The following PEMT variants were observed in gnomAD, a reference collection of about 807,000 sequenced individuals.
PEMT encodes phospholipid methyltransferase.
In PEMT, 23 loss-of-function variants were observed where a neutral mutation model predicts 27.4. The observed-to-expected ratio is 0.84, with a 90% CI of 0.60 to 1.19. The LOEUF (loss-of-function observed/expected upper bound fraction) is 1.19, where lower values mean the gene tolerates loss of function less well. Ranked by LOEUF, PEMT falls within the 50% of genes most tolerant of loss-of-function variation. PEMT has a pLI of 0.00. For missense variants in PEMT, 307 were observed against 310.1 expected, an observed-to-expected ratio of 0.99 and a Z score of 0.07; for synonymous variants, 137 against 139.1, an observed-to-expected ratio of 0.98 and a Z score of 0.11.
At position 17,570,847 on chromosome 17, in the gene PEMT, G is replaced by A. The variant is rs956002913; in HGVS notation, c.204+6073C>T. The A allele has an allele frequency of 5.1e-5, 50 of 985,290 alleles. No individual in the cohort carries two copies. The African/African-American group carries it at 7.2e-4, about 14-fold the overall frequency. 61.0% of individuals were successfully genotyped at this position (985,290 alleles called of 1,614,324 possible). On this transcript the variant is annotated intron_variant, in intron 2 of 6. Transcript: ENST00000255389. ...GATGGCACGAAGCCAGGTAGAGTCC[G>A]CGAGGGTACAGATCCGGGGGCAGGT...
chr17:17,537,518 CCTT>C (rs1908568803), intron 2 of PEMT, among the ~76,000 whole-genome samples: 5 of 152,228 alleles, frequency 3.3e-5, no homozygotes, highest in African/African-American at 7.2e-5. Flanking sequence ...CCTGCAGGGG[CCTT>C]CCCCATGCTG....
intron 2 of PEMT, chr17:17,570,628 C>A (rs1911127814): frequency 2.0e-6 from 2 of 985,294 alleles, no homozygotes; most frequent in Non-Finnish European, 2.4e-6. Context: ...CCAGATCACC[C>A]AGAAAGGCCC....
At position 17,591,680 on chromosome 17, in the gene PEMT, C is replaced by G. The variant is rs935730160; in HGVS notation, c.-54G>C. 20 of 1,571,346 alleles carry G rather than the reference C, an allele frequency of 1.3e-5. No individual in the cohort carries two copies. Among genetic ancestry groups the G allele is most frequent in the African/African-American group, 2.7e-5 (2 of 73,530 alleles). On this transcript the variant is annotated 5_prime_UTR_variant, in exon 1 of 7. Transcript: ENST00000255389. ...GGGCCCCGCTGCAGCCACGCGCCCC[C>G]GGAACCGGACCTATAGAGCCGGGTA...
intron 3 of PEMT, chr17:17,518,225 G>C (rs529231430): frequency 2.2e-6 from 2 of 903,504 alleles, no homozygotes; most frequent in Non-Finnish European, 2.6e-6. Context: ...AGCCAGGAGG[G>C]AGGAAGGGCT....
Position 17,523,308 on chromosome 17 carries a change from C to T in PEMT, c.205-913G>A, listed in dbSNP as rs2142544286. 6.6e-6 allele frequency among the ~76,000 whole-genome samples: 1 copy of T among 152,312 alleles called. No individual in the cohort carries two copies. ...CCTGCTCCCAGCCACCTACCTCCAC[C>T]CCAGCCCCAGCGATGACTGCTGCCT... is the stretch of plus-strand genomic sequence containing the variant. On this transcript the variant is annotated intron_variant, in intron 2 of 6. Coordinates refer to ENST00000255389, the MANE Select transcript of PEMT (RefSeq NM_148172.3). The surrounding 1 kb of genome is among the most constrained non-coding windows in gnomAD (Gnocchi z 4.8).
chr17:17,535,200 C>T (rs545342874), intron 2 of PEMT, among the ~76,000 whole-genome samples: 1 of 152,186 alleles, frequency 6.6e-6, no homozygotes, highest in South Asian at 2.1e-4. Flanking sequence ...TGAACCACCA[C>T]GTCTGGCCTG....
rs1217800674 is a variant in PEMT, at chr17:17,591,556, C to T, written c.71G>A (p.Gly24Asp). The T allele has an allele frequency of 1.2e-6, 2 of 1,613,684 alleles. No homozygotes were observed. Among genetic ancestry groups the T allele is most frequent in the Non-Finnish European group, 1.7e-6 (2 of 1,179,736 alleles). Residue 24 changes from glycine to aspartate, a missense_variant, in exon 1 of 7, where the codon GGC becomes GAC. Physicochemically the swap from Gly to Asp is moderately conservative, Grantham distance 94. Transcript: ENST00000255389. ...SSVAGPDCCG[G>D]LGNIDFRQAD... ...CTGTCTAAAATCAATATTGCCGAGG[C>T]CTCCGCAGCAGTCAGGCCCTGCCAC...
chr17:17,540,092 C>A (rs1205030963), intron 2 of PEMT, among the ~76,000 whole-genome samples: 3 of 152,204 alleles, frequency 2.0e-5, no homozygotes, highest in Non-Finnish European at 4.4e-5. Flanking sequence ...GGAAGCAACG[C>A]CCCAAGGGAA....
chr17:17,586,201 A>G (rs139880797), intron 1 of PEMT, among the ~76,000 whole-genome samples: 3,930 of 139,966 alleles, frequency 0.028, 365 homozygotes, highest in African/African-American at 0.11. Flanking sequence ...AAGGAAGGAA[A>G]GAAAGAAAGA....
rs1912019548 is a variant in PEMT, at chr17:17,582,292, CA to C, written c.97-5266del. The C allele has an allele frequency of 1.0e-6, 1 of 985,412 alleles. No individual in the cohort carries two copies. The highest frequency in any genetic ancestry group is 6.1e-5 in the Admixed American group (1 of 16,264). 61.0% of individuals were successfully genotyped at this position (985,412 alleles called of 1,614,324 possible). On this transcript the variant is annotated intron_variant, in intron 1 of 6. Transcript: ENST00000255389. The surrounding 1 kb of genome is among the most constrained non-coding windows in gnomAD (Gnocchi z 4.9). Reference sequence around the variant, plus strand: ...CACGGCCAGGAGGTCTGCTGAGCTGCAGGAATAGCTCGAGTCCCACAGGTCA... The same window carrying C: ...CACGGCCAGGAGGTCTGCTGAGCTGCGGAATAGCTCGAGTCCCACAGGTCA...
intron 1 of PEMT, among the ~76,000 whole-genome samples, chr17:17,580,978 T>C (rs1405771375): frequency 6.6e-6 from 1 of 151,616 alleles, no homozygotes; most frequent in African/African-American, 2.4e-5. Context: ...GGGCAGAGTG[T>C]GAGTCACAGA....
chr17:17,509,317 A>G, intron 5 of PEMT, 117 bp downstream of exon 5: 1 of 681,418 alleles, frequency 1.5e-6, no homozygotes, highest in Non-Finnish European at 2.6e-6. Flanking sequence ...GCCCCCACAA[A>G]TGACACGTTC....
intron 5 of PEMT, among the ~76,000 whole-genome samples, chr17:17,506,739 A>G (rs4646409): frequency 0.86 from 130,611 of 152,274 alleles, 56,724 homozygotes; most frequent in African/African-American, 0.96. Context: ...TCTAGAAATG[A>G]GTCCAGGGTC....
intron 2 of PEMT, among the ~76,000 whole-genome samples, chr17:17,524,205 G>C (rs759000060): frequency 1.4e-4 from 21 of 152,192 alleles, no homozygotes; most frequent in Admixed American, 4.6e-4. Context: ...CGGTGACCAA[G>C]GCCAAAGCCA....
At chr17:17,543,200 G>A (rs1909012836) in intron 2 of PEMT, among the ~76,000 whole-genome samples, 1 of 152,248 alleles carries the variant, frequency 6.6e-6, no homozygotes, top group South Asian at 2.1e-4. Context: ...GGCCTCGCAT[G>A]TGCATGTGAC....
chr17:17,538,707 A>G (rs1344440550), intron 2 of PEMT, among the ~76,000 whole-genome samples: 1 of 152,244 alleles, frequency 6.6e-6, no homozygotes, highest in African/African-American at 2.4e-5. Context: ...TTTTCTTTTT[A>G]CATAAAACAA....
At position 17,581,227 on chromosome 17, in the gene PEMT, G is replaced by A. The variant is rs112379234; in HGVS notation, c.97-4200C>T. Among the ~76,000 whole-genome samples the A allele has an allele frequency of 2.7e-3, 416 of 152,246 alleles. 1 individual carries two copies. The highest frequency in any genetic ancestry group is 8.6e-3 in the African/African-American group (359 of 41,530). ...CTGCCTCTCATAAGGAATTCAACTCGATGTTAGTCACCTTAGCTGAGCTCC... is the reference window on the plus strand; with the variant it reads ...CTGCCTCTCATAAGGAATTCAACTCAATGTTAGTCACCTTAGCTGAGCTCC... On this transcript the variant is annotated intron_variant, in intron 1 of 6. Coordinates refer to ENST00000255389, the MANE Select transcript of PEMT (RefSeq NM_148172.3).
chr17:17,577,042 C>G lies in PEMT; in HGVS notation c.97-15G>C, dbSNP rs1470900869. On this transcript the variant is annotated splice_polypyrimidine_tract_variant and intron_variant, in intron 1 of 6. Transcript: ENST00000255389. The stretch of plus-strand genomic sequence containing the variant: ...CAGAAGTCTGCCTGCAGGGACAGAG[C>G]TAGCATCAGCACCACCCAGACACAG... 1.3e-6 allele frequency: 2 copies of G among 1,594,126 alleles called. No homozygotes were observed. The highest frequency in any genetic ancestry group is 1.7e-5 in the Admixed American group (1 of 59,992).
chr17:17,507,575 C>A, intron 5 of PEMT: 1 of 250,592 alleles, frequency 4.0e-6, no homozygotes, highest in South Asian at 8.1e-5. Context: ...CTGTGGGCGC[C>A]GAGGGGGACA....
Sources: gnomAD v4.1 joint callset for allele counts (sites outside exome capture counted in the v4.1 genomes callset) on GRCh38, gnomAD v4.1.1 for gene constraint, Gnocchi (gnomAD v3.1) non-coding constraint, MANE v1.5 for transcripts, NCBI Gene and HGNC (gene_info 2026-07-23, HGNC 2026-07-21) for gene names.